Variants in KIAA1210 observed in about 807,000 individuals in gnomAD.
KIAA1210 encodes KIAA1210, also known as acrosomal protein KIAA1210.
KIAA1210 carries 48 observed loss-of-function variants against 78.9 expected under a neutral mutation model. The observed-to-expected ratio is 0.61, with a 90% CI of 0.48 to 0.77. The LOEUF (loss-of-function observed/expected upper bound fraction) is 0.77, where lower values mean the gene tolerates loss of function less well. KIAA1210 is among the 30% of genes least tolerant of loss of function. The pLI is 0.00. For missense variants in KIAA1210, 1,108 were observed against 1,100.0 expected (o/e 1.01, Z -0.10); for synonymous variants, 406 against 404.5 (o/e 1.00, Z -0.04).
At chrX:119,091,163 G>A (rs1927355200) in intron 8 of KIAA1210, among the ~76,000 whole-genome samples, 1 of 112,396 alleles carries the variant, frequency 8.9e-6, no homozygotes, top group African/African-American at 3.2e-5. Flanking sequence ...AATGCAAATT[G>A]AAACACAACG....
chrX:119,109,220 G>C lies in KIAA1210; in HGVS notation c.231-18C>G. 8.4e-7 allele frequency: 1 copy of C among 1,184,945 alleles called. No individual in the cohort carries two copies. Among genetic ancestry groups the C allele is most frequent in the Non-Finnish European group, 1.1e-6 (1 of 881,479 alleles). ...TCTTGGCCCTGGACAGAAAGGAAAG[G>C]TCTTGTAAAAGCAACCCAAGGGCCA... is the stretch of plus-strand genomic sequence containing the variant. On this transcript the variant is annotated intron_variant, in intron 3 of 11. Coordinates refer to ENST00000691062, the MANE Select transcript of KIAA1210 (RefSeq NM_001394962.1).
At chrX:119,097,000 G>A (rs772499236) in intron 6 of KIAA1210, among the ~76,000 whole-genome samples, 15 of 111,703 alleles carry the variant, frequency 1.3e-4, no homozygotes, top group African/African-American at 4.6e-4. Context: ...CAAAGTCAGA[G>A]AGATTGCATG....
rs779128750 is a variant in KIAA1210 at position 119,096,522 on chromosome X, C to T, written c.818G>A (p.Arg273His). ...AARHKMTLNPRKQKKNLQVIV... is the reference protein window; with the variant it reads ...AARHKMTLNPHKQKKNLQVIV... ...CACTTGAAGGTTCTTCTTTTGTTTGCGGGGATTTAAAGTCATTTTGTGGCG... is the reference window on the plus strand; with the variant it reads ...CACTTGAAGGTTCTTCTTTTGTTTGTGGGGATTTAAAGTCATTTTGTGGCG... The change falls in exon 7 of 12, where the codon CGC becomes CAC. Residue 273 changes from arginine to histidine, a missense_variant. Coordinates refer to ENST00000691062, the MANE Select transcript of KIAA1210 (RefSeq NM_001394962.1). 18 of 1,207,600 alleles carry T rather than the reference C, an allele frequency of 1.5e-5. No homozygotes were observed. The highest frequency in any genetic ancestry group is 8.9e-5 in the East Asian group (3 of 33,742).
chrX:119,125,261 G>A (rs2147191675), intron 1 of KIAA1210, among the ~76,000 whole-genome samples: 1 of 111,442 alleles, frequency 9.0e-6, no homozygotes, highest in African/African-American at 3.3e-5. Flanking sequence ...TCTGGAGTGA[G>A]TAGTTCTAAC....
intron 1 of KIAA1210, 45 bp from the exon 2 acceptor site, chrX:119,123,697 T>C: frequency 4.5e-6 from 4 of 879,435 alleles, no homozygotes; most frequent in Non-Finnish European, 6.6e-6. Context: ...CATCATTTGA[T>C]ATTCAGGGCG....
At chrX:119,094,090 C>T (rs750738968) in intron 7 of KIAA1210, 5 of 1,187,619 alleles carry the variant, frequency 4.2e-6, no homozygotes, top group Non-Finnish European at 5.7e-6. Context: ...ACTGGAAGGC[C>T]ACGAATCTGA....
At chrX:119,082,074 A>C (rs1425172215) in intron 11 of KIAA1210, among the ~76,000 whole-genome samples, 1 of 111,704 alleles carries the variant, frequency 9.0e-6, no homozygotes, top group Non-Finnish European at 1.9e-5. Context: ...TGACTTAGTG[A>C]CTTAGAATCA....
At chrX:119,114,208 A>G (rs1220721177) in intron 3 of KIAA1210, among the ~76,000 whole-genome samples, 1 of 111,633 alleles carries the variant, frequency 9.0e-6, no homozygotes, top group Non-Finnish European at 1.9e-5. Context: ...GATATATTTG[A>G]TAATGACACA....
chrX:119,089,623 C>T lies in KIAA1210; in HGVS notation c.1079G>A (p.Arg360Lys), dbSNP rs200783665. 3.5e-4 allele frequency: 428 copies of T among 1,210,129 alleles called. 1 individual carries two copies. Among genetic ancestry groups the T allele is most frequent in the Non-Finnish European group, 4.7e-4 (417 of 895,228 alleles). ...AACACTTGCTCCTTTTCTTCTCCAT[C>T]TTCTTCCATATGCTGCTGACATTGG... ...GYPMSAAYGR[R>K]WRRKGASVSG... The change falls in exon 9 of 12, where the codon AGA becomes AAA. Residue 360 changes from arginine (R) to lysine (K), a missense_variant. Around this residue, in one of 5 missense-constraint regions of KIAA1210, gnomAD observed 672 missense variants for 607.1 expected, o/e 1.11. Transcript: ENST00000691062.
chrX:119,140,531 T>TA (rs5903548), intron 2 of KIAA1210, among the ~76,000 whole-genome samples: 22,382 of 62,584 alleles, frequency 0.36, 3,543 homozygotes, highest in East Asian at 0.64. Context: ...GACTCTTTCT[T>TA]AAAAAAAAAA....
In KIAA1210 at chrX:119,085,386, A is replaced by G. The variant is rs1927097981; in HGVS notation, c.4317T>C (p.Tyr1439=). 8.3e-7 allele frequency: 1 copy of G among 1,208,752 alleles called. No individual in the cohort carries two copies. The highest frequency in any genetic ancestry group is 1.1e-6 in the Non-Finnish European group (1 of 894,281). ...TATTGGCTACCCCAGGTCCTACCTC[A>G]TATTTAGGCTCCTTAGTCTCAGCAT... ...GADAETKEPK[Y]EGAGSANENQ... Residue 1439 remains tyrosine, a synonymous_variant, in exon 10 of 12, where the codon TAT becomes TAC. Transcript: ENST00000691062.
chrX:119,124,202 G>A (rs1302898704), intron 1 of KIAA1210, among the ~76,000 whole-genome samples: 2 of 111,502 alleles, frequency 1.8e-5, no homozygotes, highest in African/African-American at 6.5e-5. Context: ...TTGCTATGTT[G>A]AACTAGAACT....
intron 1 of KIAA1210, chrX:119,150,208 C>T: frequency 1.0e-6 from 1 of 990,954 alleles, no homozygotes; most frequent in East Asian, 3.3e-5. Flanking sequence ...AAACATCACC[C>T]TTGTGCAGCT....
Position 119,088,153 on chromosome X carries a change from A to G in KIAA1210, c.2549T>C (p.Leu850Ser). 1 of 1,211,664 alleles carries G rather than the reference A, an allele frequency of 8.3e-7. No individual in the cohort carries two copies. Among genetic ancestry groups the G allele is most frequent in the South Asian group, 1.8e-5 (1 of 56,952 alleles). ...PLLPRYSPQS[L>S]TDPQIRQISE... ...GATTTGCCGGATTTGAGGATCTGTCAAGGACTGAGGAGAATATCTGGGGAG... is the reference window on the plus strand; with the variant it reads ...GATTTGCCGGATTTGAGGATCTGTCGAGGACTGAGGAGAATATCTGGGGAG... Residue 850 changes from leucine (L) to serine (S), a missense_variant, in exon 9 of 12, where the codon TTG becomes TCG. By Grantham distance (145) the Leu-to-Ser change is moderately radical. Around this residue, in one of 5 missense-constraint regions of KIAA1210, gnomAD observed 7 missense variants for 21.9 expected, o/e 0.32. Coordinates refer to ENST00000691062, the MANE Select transcript of KIAA1210 (RefSeq NM_001394962.1).
Position 119,083,103 on chromosome X carries a change from A to T in KIAA1210, c.4338T>A (p.Asn1446Lys). The T allele has an allele frequency of 8.3e-7, 1 of 1,203,273 alleles. No individual in the cohort carries two copies. The highest frequency in any genetic ancestry group is 2.3e-4 in the Middle Eastern group (1 of 4,330). The change falls in exon 11 of 12, where the codon AAT becomes AAA. Residue 1446 changes from asparagine (N) to lysine (K), a missense_variant. Asn to Lys is a moderately conservative substitution (Grantham distance 94, BLOSUM62 0). Coordinates refer to ENST00000691062, the MANE Select transcript of KIAA1210 (RefSeq NM_001394962.1). ...EPKYEGAGSA[N>K]ENQPKKMFTS... The stretch of plus-strand genomic sequence containing the variant: ...TGAACATCTTTTTAGGTTGGTTTTC[A>T]TTTGCAGAGCCAGCTCCCTTTAATA...
rs772316067 is a variant in KIAA1210 at position 119,089,475 on chromosome X, C to A, written c.1227G>T (p.Ser409=). Residue 409 remains serine (S), a synonymous_variant, in exon 9 of 12, where the codon TCG becomes TCT. Transcript: ENST00000691062. ...TNKTARNVPF[S]HLSLEKDNME... is the part of the protein sequence containing the mutation. ...TGTTGTCCTTCTCTAAGGACAAGTG[C>A]GAGAAAGGGACATTCCTGGCAGTCT... The A allele has an allele frequency of 2.2e-5, 27 of 1,210,230 alleles. No homozygotes were observed. In the South Asian group the frequency reaches 3.5e-4, roughly 16 times the overall value.
intron 10 of KIAA1210, 71 bp from the exon 11 acceptor site, chrX:119,083,191 G>T (rs774834052): frequency 1.7e-4 from 139 of 794,415 alleles, no homozygotes; most frequent in Non-Finnish European, 2.5e-4. Context: ...TTATTCAGAG[G>T]ACCATAGAGT....
In KIAA1210 at chrX:119,116,448, C is replaced by T. The variant is rs955774394; in HGVS notation, c.230+48G>A. 5 of 1,162,008 alleles carry T rather than the reference C, an allele frequency of 4.3e-6. No homozygotes were observed. In the African/African-American group the frequency reaches 5.4e-5, roughly 12 times the overall value. On this transcript the variant is annotated intron_variant, in intron 3 of 11. Transcript: ENST00000691062. The stretch of plus-strand genomic sequence containing the variant: ...CCGAAAGGTGACCTAGATCCAACTG[C>T]CTGCCTCTTCCCCTGTCCCCATCAC...
chrX:119,133,076 C>T (rs984727993), intron 2 of KIAA1210, among the ~76,000 whole-genome samples: 8 of 111,415 alleles, frequency 7.2e-5, no homozygotes, highest in African/African-American at 2.0e-4. Flanking sequence ...CTAGAGGGAG[C>T]GTCTGATGCC....
Sources: allele counts gnomAD v4.1 joint callset (sites outside exome capture counted in the v4.1 genomes callset), GRCh38; gene constraint gnomAD v4.1.1; regional missense constraint gnomAD v4.1.1; transcripts MANE v1.5; gene names NCBI Gene and HGNC (gene_info 2026-07-23, HGNC 2026-07-21).